The following NKAIN2 variants were observed in gnomAD, a reference collection of about 807,000 sequenced individuals.
NKAIN2 encodes the protein sodium/potassium transporting ATPase interacting 2.
NKAIN2 carries 14 observed loss-of-function variants against 32.6 expected under a neutral mutation model. The observed-to-expected ratio is 0.43, with a 90% CI of 0.28 to 0.67. The LOEUF is 0.67. Among genes scored for constraint, NKAIN2 ranks in the 30% least tolerant of loss-of-function variants. NKAIN2 has a pLI of 0.17. For synonymous variants in NKAIN2, 80 were observed against 87.2 expected, an observed-to-expected ratio of 0.92 and a Z score of 0.46; for missense variants, 198 against 258.3, an observed-to-expected ratio of 0.77 and a Z score of 1.60.
At chr6:124,211,819 G>GCTCTCTATTTGAACAAAGC (rs1791192216) in intron 1 of NKAIN2, among the ~76,000 whole-genome samples, 1 of 152,008 alleles carries the variant, frequency 6.6e-6, no homozygotes, top group African/African-American at 2.4e-5. Flanking sequence ...AAAGTTAAAA[G>GCTCTCTATTTGAACAAAGC]TCGAAAATTG....
intron 1 of NKAIN2, among the ~76,000 whole-genome samples, chr6:124,239,557 A>G (rs1792961902): frequency 1.3e-5 from 2 of 152,218 alleles, no homozygotes; most frequent in Non-Finnish European, 2.9e-5. Context: ...CTCAGACCAC[A>G]GTGCAATCAA....
intron 3 of NKAIN2, among the ~76,000 whole-genome samples, chr6:124,508,509 T>C (rs906346956): frequency 3.5e-3 from 2 of 574 alleles, no homozygotes; most frequent in Admixed American, 0.12. Context: ...CCCGGCTAAT[T>C]TTTTTTTGTA....
chr6:123,831,563 A>G (rs1417915755), intron 1 of NKAIN2, among the ~76,000 whole-genome samples: 1 of 151,780 alleles, frequency 6.6e-6, no homozygotes, highest in East Asian at 1.9e-4. Flanking sequence ...TAATACCAAA[A>G]TAAAGAGACA....
chr6:124,240,086 A>G (rs1373618835), intron 1 of NKAIN2, among the ~76,000 whole-genome samples: 2 of 152,090 alleles, frequency 1.3e-5, no homozygotes, highest in Non-Finnish European at 2.9e-5. Flanking sequence ...CCATAGAAAT[A>G]CAAACTACCA....
intron 3 of NKAIN2, among the ~76,000 whole-genome samples, chr6:124,388,196 CT>C (rs993933452): frequency 2.0e-4 from 31 of 152,058 alleles, no homozygotes; most frequent in African/African-American, 6.7e-4. Flanking sequence ...AAAAAAAACC[CT>C]GCTTACCCTC....
intron 3 of NKAIN2, among the ~76,000 whole-genome samples, chr6:124,420,546 CAG>C (rs1364331401): frequency 3.3e-5 from 5 of 152,096 alleles, no homozygotes; most frequent in African/African-American, 1.2e-4. Flanking sequence ...ATAGGCTTCT[CAG>C]TGTTAAAATT....
chr6:124,587,456 G>A (rs566545676), intron 3 of NKAIN2, among the ~76,000 whole-genome samples: 2 of 152,272 alleles, frequency 1.3e-5, no homozygotes, highest in South Asian at 4.1e-4. Context: ...CTGACCTCGT[G>A]ATCCGCCTGG....
At chr6:124,709,424 C>G (rs1197955667) in intron 4 of NKAIN2, among the ~76,000 whole-genome samples, 2 of 151,430 alleles carry the variant, frequency 1.3e-5, no homozygotes, top group Non-Finnish European at 2.9e-5. Context: ...GTACCAGTTC[C>G]TCCTTGTACC....
intron 1 of NKAIN2, among the ~76,000 whole-genome samples, chr6:124,157,079 G>T (rs1428701231): frequency 1.5e-5 from 2 of 132,412 alleles, no homozygotes; most frequent in East Asian, 2.5e-4. Context: ...CTCCGGCCTG[G>T]GTGGCAGAGT....
intron 1 of NKAIN2, among the ~76,000 whole-genome samples, chr6:124,282,426 C>T (rs918771618): frequency 6.6e-6 from 1 of 151,642 alleles, no homozygotes; most frequent in Non-Finnish European, 1.5e-5. Flanking sequence ...ACCCTACACA[C>T]CTCGTCAAAG....
At chr6:124,449,778 G>A (rs1226161828) in intron 3 of NKAIN2, among the ~76,000 whole-genome samples, 1 of 152,102 alleles carries the variant, frequency 6.6e-6, no homozygotes, top group Non-Finnish European at 1.5e-5. Context: ...TGAAATAACT[G>A]TTGGCATAGT....
chr6:124,732,193 G>A (rs1469411753), intron 4 of NKAIN2, among the ~76,000 whole-genome samples: 1 of 151,986 alleles, frequency 6.6e-6, no homozygotes, highest in African/African-American at 2.4e-5. Context: ...ATCTTCTCCA[G>A]CCCTTCCTTT....
chr6:124,511,362 C>T (rs1167752155), intron 3 of NKAIN2, among the ~76,000 whole-genome samples: 2 of 152,144 alleles, frequency 1.3e-5, no homozygotes, highest in South Asian at 2.1e-4. Context: ...GCTGATTGTG[C>T]CCTGGGTTCA....
At chr6:124,669,353 G>A (rs1772978999) in intron 4 of NKAIN2, among the ~76,000 whole-genome samples, 1 of 152,090 alleles carries the variant, frequency 6.6e-6, no homozygotes. Context: ...TTGCTGTCAG[G>A]TAAATTAAAT....
intron 4 of NKAIN2, among the ~76,000 whole-genome samples, chr6:124,688,325 A>T (rs73770533): frequency 0.069 from 10,491 of 151,992 alleles, 560 homozygotes; most frequent in African/African-American, 0.15. Context: ...TATTAAATAC[A>T]TTTTTAGAGC....
intron 1 of NKAIN2, among the ~76,000 whole-genome samples, chr6:124,009,754 A>G (rs568831049): frequency 6.6e-6 from 1 of 152,188 alleles, no homozygotes; most frequent in Non-Finnish European, 1.5e-5. Flanking sequence ...GAATCTAGAC[A>G]ATGCATGGTG....
intron 4 of NKAIN2, among the ~76,000 whole-genome samples, chr6:124,776,405 TC>T (rs1265952565): frequency 6.6e-6 from 1 of 152,104 alleles, no homozygotes; most frequent in African/African-American, 2.4e-5. Context: ...ACTTCACCTC[TC>T]ATTTTTATTT....
intron 1 of NKAIN2, among the ~76,000 whole-genome samples, chr6:123,963,441 A>G (rs1271834335): frequency 6.6e-6 from 1 of 152,168 alleles, no homozygotes; most frequent in East Asian, 1.9e-4. Context: ...GCAATTGTCC[A>G]GAGAGTTGAT....
intron 1 of NKAIN2, among the ~76,000 whole-genome samples, chr6:123,923,281 A>G (rs2114497405): frequency 6.6e-6 from 1 of 152,288 alleles, no homozygotes; most frequent in South Asian, 2.1e-4. Flanking sequence ...AATTCTGACA[A>G]AATATTCTAT....
Sources: allele counts gnomAD v4.1 joint callset (sites outside exome capture counted in the v4.1 genomes callset), GRCh38; gene constraint gnomAD v4.1.1; transcripts MANE v1.5; gene names NCBI Gene and HGNC (gene_info 2026-07-23, HGNC 2026-07-21).